ACP1: variants seen among roughly 807,000 people sequenced by gnomAD.
ACP1 encodes low molecular weight phosphotyrosine protein phosphatase.
Under a neutral mutation model 23.4 loss-of-function variants are expected in ACP1, and 23 were observed. The observed-to-expected ratio is 0.98, with a 90% CI of 0.71 to 1.39. The LOEUF is 1.39. Among genes scored for constraint, ACP1 ranks in the 40% most tolerant of loss-of-function variants. The probability of loss-of-function intolerance (pLI) is 0.00; values close to 1 mark genes in which losing one functional copy is unlikely to be tolerated. For missense variants in ACP1, 180 were observed against 197.7 expected (o/e 0.91, Z 0.54); for synonymous variants, 72 against 67.2 (o/e 1.07, Z -0.35).
Position 277,257 on chromosome 2 carries a change from C to T in ACP1, c.430C>T (p.Gln144Ter), listed in dbSNP as rs1455566256. 5.5e-5 allele frequency: 89 copies of T among 1,613,472 alleles called. No individual in the cohort carries two copies. The highest frequency in any genetic ancestry group is 7.4e-5 in the Non-Finnish European group (87 of 1,180,030). Residue 144 changes from glutamine (Q) to a stop codon, truncating the protein, a stop_gained, in exon 6 of 6, where the codon CAG becomes TAG. Transcript: ENST00000272065. LOFTEE classifies it high-confidence loss of function. ...TGACTCTGACTTTGAGACGGTGTAC[C>T]AGCAGTGTGTCAGGTGCTGCAGAGC... ...GNDSDFETVYQQCVRCCRAFL... is the reference protein window; with the variant it reads ...GNDSDFETVY
intron 1 of ACP1, among the ~76,000 whole-genome samples, chr2:268,327 A>G (rs188321903): frequency 9.2e-5 from 14 of 152,354 alleles, no homozygotes; most frequent in Admixed American, 7.2e-4. Context: ...TGTTCATTCA[A>G]AGCATTTGTT....
Position 272,145 on chromosome 2 carries a change from C to T in ACP1, c.226C>T (p.Arg76Trp), listed in dbSNP as rs201625066. Residue 76 changes from arginine (R) to tryptophan (W), a missense_variant, in exon 3 of 6, where the codon CGG (arginine) becomes TGG (tryptophan). This residue lies in a region of ACP1 where 132 missense variants were observed against 124.1 expected (regional missense o/e 1.06). Coordinates refer to ENST00000272065, the MANE Select transcript of ACP1 (RefSeq NM_004300.4). The stretch of plus-strand genomic sequence containing the variant: ...CGGCATTCCCATGAGCCACGTTGCC[C>T]GGCAGGTACCGTCCTTGGACTTGAA... Reference protein sequence around the residue: ...RHGIPMSHVARQITKEDFATF... With the variant: ...RHGIPMSHVAWQITKEDFATF... The T allele has an allele frequency of 6.8e-5, 109 of 1,614,184 alleles. 2 individuals carry two copies. The Admixed American group carries it at 1.6e-3, about 24-fold the overall frequency.
chr2:265,316 C>T (rs1220568809), intron 1 of ACP1: 4 of 349,124 alleles, frequency 1.1e-5, no homozygotes, highest in African/African-American at 8.6e-5. Flanking sequence ...CTCTCGTTCC[C>T]CTCCAATGGG....
At chr2:267,355 A>C (rs916527955) in intron 1 of ACP1, among the ~76,000 whole-genome samples, 1 of 152,218 alleles carries the variant, frequency 6.6e-6, no homozygotes, top group African/African-American at 2.4e-5. Context: ...GTATTAATTG[A>C]TGTGCTCAAT....
At position 277,384 on chromosome 2, in the gene ACP1, C is replaced by T. The variant is rs1459465670; in HGVS notation, c.*80C>T. ...GCATTTCTCAGTCGGTGTGTAATCA[C>T]GTTCCAGGGCCCAAAGCCCAGCTCT... On this transcript the variant is annotated 3_prime_UTR_variant, in exon 6 of 6. Coordinates refer to ENST00000272065, the MANE Select transcript of ACP1 (RefSeq NM_004300.4). 28 of 1,249,990 alleles carry T rather than the reference C, an allele frequency of 2.2e-5. No individual in the cohort carries two copies. The highest frequency in any genetic ancestry group is 1.6e-4 in the East Asian group (7 of 43,194). 77.4% of individuals were successfully genotyped at this position (1,249,990 alleles called of 1,614,324 possible).
At chr2:266,776 T>C (rs996987386) in intron 1 of ACP1, among the ~76,000 whole-genome samples, 1 of 152,248 alleles carries the variant, frequency 6.6e-6, no homozygotes, top group Non-Finnish European at 1.5e-5. Flanking sequence ...CTGTAGATCT[T>C]AGTAACCTCG....
chr2:277,568 CA>C lies in ACP1; in HGVS notation c.*269del, dbSNP rs1670210343. On this transcript the variant is annotated 3_prime_UTR_variant, in exon 6 of 6. Transcript: ENST00000272065. ...TGAACATCTCACTTTGCCCCAGTTA[CA>C]AAAATAGTAGAACAAGCAACATAAA... 2.1e-6 allele frequency: 1 copy of C among 484,878 alleles called. No homozygotes were observed. Among genetic ancestry groups the C allele is most frequent in the Non-Finnish European group, 3.7e-6 (1 of 267,582 alleles). 30.0% of individuals were successfully genotyped at this position (484,878 alleles called of 1,614,324 possible). A position where few individuals can be genotyped will look rare whatever the true frequency, so the allele number is the denominator to read the frequency against.
At chr2:276,477 G>C (rs552679203) in intron 4 of ACP1, among the ~76,000 whole-genome samples, 3 of 152,146 alleles carry the variant, frequency 2.0e-5, no homozygotes, top group Non-Finnish European at 4.4e-5. Flanking sequence ...TTCTTTTGTA[G>C]CAATGTGAAA....
intron 4 of ACP1, among the ~76,000 whole-genome samples, chr2:276,494 G>T (rs1670177757): frequency 6.6e-6 from 1 of 152,148 alleles, no homozygotes; most frequent in Non-Finnish European, 1.5e-5. Flanking sequence ...GAAAGCTAAG[G>T]GTGGAAGTCT....
At chr2:271,291 T>A (rs1670023976) in intron 1 of ACP1, among the ~76,000 whole-genome samples, 1 of 152,166 alleles carries the variant, frequency 6.6e-6, no homozygotes. Flanking sequence ...ATTTTTTTAA[T>A]CAAGCACAGA....
chr2:269,344 A>G (rs963131840), intron 1 of ACP1: 6 of 470,814 alleles, frequency 1.3e-5, no homozygotes, highest in Admixed American at 4.7e-5. Context: ...TCTGTGGGAA[A>G]AAAGTACGTA....
intron 1 of ACP1, chr2:265,322 A>C: frequency 1.4e-4 from 45 of 317,290 alleles, no homozygotes; most frequent in East Asian, 2.6e-4. Context: ...TTCCCCTCCA[A>C]TGGGCCCAGG....
chr2:277,506 A>G lies in ACP1; in HGVS notation c.*202A>G, dbSNP rs952860972. 1.5e-5 allele frequency: 9 copies of G among 600,650 alleles called. No individual in the cohort carries two copies. The highest frequency in any genetic ancestry group is 2.9e-5 in the Admixed American group (1 of 34,612). 37.2% of individuals were successfully genotyped at this position (600,650 alleles called of 1,614,324 possible). On this transcript the variant is annotated 3_prime_UTR_variant, in exon 6 of 6. Coordinates refer to ENST00000272065, the MANE Select transcript of ACP1 (RefSeq NM_004300.4). ...GAATCAATAAAAATCTTTGATTCAG[A>G]CAGCTTATGGGGTATTTTAAGCATT...
In ACP1 at chr2:272,445, C is replaced by T; in HGVS notation, c.231+295C>T. On this transcript the variant is annotated intron_variant, in intron 3 of 5. Transcript: ENST00000272065. ...CAGCTATGGTGTGTCCATTTTGTTT[C>T]ACTTCTGGTTGCACGGTGTTGAAAG... 5 of 1,446,778 alleles carry T rather than the reference C, an allele frequency of 3.5e-6. No individual in the cohort carries two copies. In the South Asian group the frequency reaches 4.5e-5, roughly 13 times the overall value. The allele number at this position is 1,446,778 out of a possible 1,614,324, so 89.6% of individuals were successfully genotyped here. A position where few individuals can be genotyped will look rare whatever the true frequency, so the allele number is the denominator to read the frequency against.
Position 271,891 on chromosome 2 carries a change from A to G in ACP1, c.69A>G (p.Ala23=), listed in dbSNP as rs1558263118. Residue 23 remains alanine, a synonymous_variant, in exon 2 of 6, where the codon GCA becomes GCG. Transcript: ENST00000272065. ...CLGNICRSPI[A]EAVFRKLVTD... ...GTAACATTTGTCGATCACCCATTGC[A>G]GAAGCAGTTTTCAGGAAACTTGTAA... 6.2e-7 allele frequency: 1 copy of G among 1,613,540 alleles called. No individual in the cohort carries two copies. Among genetic ancestry groups the G allele is most frequent in the East Asian group, 2.2e-5 (1 of 44,850 alleles).
intron 3 of ACP1, among the ~76,000 whole-genome samples, chr2:274,198 T>C (rs1427595976): frequency 1.3e-5 from 2 of 152,174 alleles, no homozygotes; most frequent in Non-Finnish European, 1.5e-5. Flanking sequence ...ATTGTACTTA[T>C]TCTCAATTTT....
chr2:268,775 C>T (rs1050170651), intron 1 of ACP1, among the ~76,000 whole-genome samples: 3 of 152,196 alleles, frequency 2.0e-5, no homozygotes, highest in Non-Finnish European at 2.9e-5. Context: ...GTTTTTAGAA[C>T]TTGTTTGATA....
In ACP1 at chr2:272,139, G is replaced by A. The variant is rs781561490; in HGVS notation, c.220G>A (p.Val74Ile). 50 of 1,614,086 alleles carry A rather than the reference G, an allele frequency of 3.1e-5. No individual in the cohort carries two copies. Among genetic ancestry groups the A allele is most frequent in the East Asian group, 4.5e-5 (2 of 44,886 alleles). ...GAGGCACGGCATTCCCATGAGCCAC[G>A]TTGCCCGGCAGGTACCGTCCTTGGA... Reference protein sequence around the residue: ...MKRHGIPMSHVARQITKEDFA... With the variant: ...MKRHGIPMSHIARQITKEDFA... The change falls in exon 3 of 6, where the codon GTT becomes ATT. Residue 74 changes from valine (V) to isoleucine (I), a missense_variant. By Grantham distance (29) the Val-to-Ile change is conservative. Around this residue, in one of 3 missense-constraint regions of ACP1, gnomAD observed 132 missense variants for 124.1 expected, o/e 1.06. Coordinates refer to ENST00000272065, the MANE Select transcript of ACP1 (RefSeq NM_004300.4).
Position 277,043 on chromosome 2 carries a change from C to G in ACP1, c.357C>G (p.Ser119Arg), listed in dbSNP as rs1020638268. The stretch of plus-strand genomic sequence containing the variant: ...AAGCTAAAATTGAACTACTTGGGAG[C>G]TATGATCCACAAAAACAACTTATTA... ...TCKAKIELLG[S>R]YDPQKQLIIE... The change falls in exon 5 of 6, where the codon AGC becomes AGG. Residue 119 changes from serine (S) to arginine (R), a missense_variant. Ser to Arg is a moderately radical substitution (Grantham distance 110, BLOSUM62 -1). Around this residue, in one of 3 missense-constraint regions of ACP1, gnomAD observed 13 missense variants for 33.0 expected, o/e 0.39. Coordinates refer to ENST00000272065, the MANE Select transcript of ACP1 (RefSeq NM_004300.4). 6.2e-7 allele frequency: 1 copy of G among 1,613,058 alleles called. No individual in the cohort carries two copies. Among genetic ancestry groups the G allele is most frequent in the Non-Finnish European group, 8.5e-7 (1 of 1,179,440 alleles).
Sources: allele counts gnomAD v4.1 joint callset (sites outside exome capture counted in the v4.1 genomes callset), GRCh38; gene constraint gnomAD v4.1.1; regional missense constraint gnomAD v4.1.1; transcripts MANE v1.5; gene names NCBI Gene and HGNC (gene_info 2026-07-23, HGNC 2026-07-21).